C12orf54: variants seen among roughly 807,000 people sequenced by gnomAD.
C12orf54 encodes the protein uncharacterized protein C12orf54.
A neutral mutation model predicts 26.4 loss-of-function variants in C12orf54; 24 were observed. That is an observed-to-expected ratio of 0.91 (90% CI 0.66 to 1.28). C12orf54 has a LOEUF of 1.28. C12orf54 is among the 50% of genes most tolerant of loss of function. The pLI is 0.00. For synonymous variants in C12orf54, 54 were observed against 47.0 expected (o/e 1.15, Z -0.61); for missense variants, 154 against 150.9 (o/e 1.02, Z -0.11).
the C12orf54 span, chr12:48,472,790 A>G: frequency 1.2e-5 from 20 of 1,614,084 alleles, no homozygotes; most frequent in Middle Eastern, 1.6e-4. Flanking sequence ...ATGAATTTGA[A>G]GAACTGGAAT....
chr12:48,494,079 C>T (rs1937855949), intron 7 of C12orf54, among the ~76,000 whole-genome samples: 1 of 87,154 alleles, frequency 1.1e-5, no homozygotes, highest in African/African-American at 4.6e-5. Flanking sequence ...ATTAGCTGGG[C>T]GTGGTGGCAG....
chr12:48,439,125 C>A, the C12orf54 span, among the ~76,000 whole-genome samples: 1 of 152,220 alleles, frequency 6.6e-6, no homozygotes, highest in East Asian at 1.9e-4. Context: ...GACATTTATG[C>A]AGCCAAAAAA....
At chr12:48,453,351 G>C in the C12orf54 span, among the ~76,000 whole-genome samples, 7 of 151,666 alleles carry the variant, frequency 4.6e-5, no homozygotes, top group Non-Finnish European at 8.8e-5. Context: ...GTGGGGGATG[G>C]GAAGAGGGAG....
the C12orf54 span, among the ~76,000 whole-genome samples, chr12:48,445,109 C>T: frequency 6.6e-6 from 1 of 152,010 alleles, no homozygotes; most frequent in East Asian, 1.9e-4. Context: ...GGAGGCAGAG[C>T]TTGCAGTGAG....
the C12orf54 span, among the ~76,000 whole-genome samples, chr12:48,476,082 G>A: frequency 1.4e-4 from 21 of 151,994 alleles, no homozygotes; most frequent in Non-Finnish European, 1.8e-4. Context: ...AGAGAGTGGG[G>A]GCCAATATTC....
chr12:48,477,825 G>A (rs1954159373), upstream of C12orf54, among the ~76,000 whole-genome samples: 1 of 152,142 alleles, frequency 6.6e-6, no homozygotes, highest in South Asian at 2.1e-4. Flanking sequence ...GGTACAAAGG[G>A]GAGATGATCC....
At chr12:48,453,172 A>T in the C12orf54 span, among the ~76,000 whole-genome samples, 1 of 152,212 alleles carries the variant, frequency 6.6e-6, no homozygotes, top group Non-Finnish European at 1.5e-5. Flanking sequence ...AAGGAACGAG[A>T]TCATGTTCTT....
the C12orf54 span, among the ~76,000 whole-genome samples, chr12:48,459,834 A>G: frequency 8.9e-4 from 135 of 152,148 alleles, no homozygotes; most frequent in Non-Finnish European, 1.5e-3. Context: ...CCAGGCAGTG[A>G]TGTGTGGCAA....
the C12orf54 span, among the ~76,000 whole-genome samples, chr12:48,450,551 G>A: frequency 6.6e-6 from 1 of 152,002 alleles, no homozygotes; most frequent in Non-Finnish European, 1.5e-5. Context: ...CCAGGAGCTA[G>A]TTTTTTGGAA....
chr12:48,486,802 T>G, intron 4 of C12orf54, 76 bp downstream of exon 4: 1 of 1,401,052 alleles, frequency 7.1e-7, no homozygotes, highest in South Asian at 1.2e-5. Context: ...AGGAGCACAT[T>G]TCTTTCTCTT....
chr12:48,486,706 A>G lies in C12orf54; in HGVS notation c.115A>G (p.Thr39Ala). 2 of 1,613,382 alleles carry G rather than the reference A, an allele frequency of 1.2e-6. No homozygotes were observed. Among genetic ancestry groups the G allele is most frequent in the Non-Finnish European group, 1.7e-6 (2 of 1,179,308 alleles). The change falls in exon 4 of 9, where the codon ACT becomes GCT. Residue 39 changes from threonine to alanine, a missense_variant. By Grantham distance (58) the Thr-to-Ala change is moderately conservative. Transcript: ENST00000548364. Reference sequence around the variant, plus strand: ...TCTACAGGAAAAACAGGTAACCATCACTGAAACCCTGTGGGACCAGGTGAG... The same window carrying G: ...TCTACAGGAAAAACAGGTAACCATCGCTGAAACCCTGTGGGACCAGGTGAG... The part of the protein sequence containing the change: ...MRPQEKQVTI[T>A]ETLWDQVLTV...
intron 3 of C12orf54, 169 bp downstream of exon 3, chr12:48,486,377 G>A (rs1267451190): frequency 4.5e-6 from 3 of 663,982 alleles, no homozygotes; most frequent in East Asian, 2.7e-5. Flanking sequence ...ACCAGGTAAC[G>A]TCTCCAATGC....
the C12orf54 span, among the ~76,000 whole-genome samples, chr12:48,468,829 T>C: frequency 6.6e-6 from 1 of 152,084 alleles, no homozygotes; most frequent in African/African-American, 2.4e-5. Context: ...TCCCTAAGTG[T>C]CGGCCTGTCT....
chr12:48,432,803 A>C, the C12orf54 span, among the ~76,000 whole-genome samples: 1 of 151,592 alleles, frequency 6.6e-6, no homozygotes, highest in Non-Finnish European at 1.5e-5. Flanking sequence ...CAGGAGGTGG[A>C]GGTTGCAGTG....
At chr12:48,450,939 A>C in the C12orf54 span, among the ~76,000 whole-genome samples, 1 of 152,156 alleles carries the variant, frequency 6.6e-6, no homozygotes, top group African/African-American at 2.4e-5. Context: ...ACTATTACAA[A>C]AAATGGAAAG....
chr12:48,493,114 G>A (rs1157232702), intron 7 of C12orf54, 119 bp downstream of exon 7: 99 of 909,610 alleles, frequency 1.1e-4, no homozygotes, highest in Admixed American at 2.0e-5. Flanking sequence ...TGCTTCCAAA[G>A]GGGCAAGAAG....
chr12:48,439,813 G>C, the C12orf54 span, among the ~76,000 whole-genome samples: 1 of 151,736 alleles, frequency 6.6e-6, no homozygotes, highest in Non-Finnish European at 1.5e-5. Flanking sequence ...TGAGGTAATG[G>C]GTGCAGCACA....
At chr12:48,490,181 A>T (rs1458098209) in intron 5 of C12orf54, among the ~76,000 whole-genome samples, 2 of 152,218 alleles carry the variant, frequency 1.3e-5, no homozygotes, top group African/African-American at 4.8e-5. Flanking sequence ...ATGAATAGTT[A>T]TGACTGTAAG....
chr12:48,415,510 T>C, the C12orf54 span, among the ~76,000 whole-genome samples: 1 of 152,214 alleles, frequency 6.6e-6, no homozygotes, highest in Admixed American at 6.5e-5. Flanking sequence ...AGCTAACCTC[T>C]CTATTCTTGA....
Sources: gnomAD v4.1 joint callset for allele counts (sites outside exome capture counted in the v4.1 genomes callset) on GRCh38, gnomAD v4.1.1 for gene constraint, MANE v1.5 for transcripts, NCBI Gene and HGNC (gene_info 2026-07-23, HGNC 2026-07-21) for gene names.